PALLD: variants seen among roughly 807,000 people sequenced by gnomAD.
PALLD encodes the protein palladin.
In PALLD, 61 loss-of-function variants were observed where a neutral mutation model predicts 123.5. That is an observed-to-expected ratio of 0.49 (90% CI 0.40 to 0.61). PALLD has a LOEUF of 0.61. Ranked by LOEUF, PALLD falls within the 20% of genes least tolerant of loss-of-function variation. PALLD has a pLI of 0.00. For synonymous variants in PALLD, 465 were observed against 496.4 expected, an observed-to-expected ratio of 0.94 and a Z score of 0.84; for missense variants, 1,273 against 1,377.0, an observed-to-expected ratio of 0.92 and a Z score of 1.20.
At chr4:168,741,461 G>A (rs188000646) in intron 10 of PALLD, among the ~76,000 whole-genome samples, 5 of 152,198 alleles carry the variant, frequency 3.3e-5, no homozygotes, top group African/African-American at 1.2e-4. Context: ...AGGATTGCCT[G>A]AGGCCAAGGA....
At chr4:168,699,482 T>C (rs979512638) in intron 8 of PALLD, among the ~76,000 whole-genome samples, 5 of 151,176 alleles carry the variant, frequency 3.3e-5, no homozygotes, top group Admixed American at 2.6e-4. Flanking sequence ...AGCCAAACCA[T>C]GTGGTGTGAA....
chr4:168,905,145 T>TC, intron 15 of PALLD, among the ~76,000 whole-genome samples: 1 of 33,328 alleles, frequency 3.0e-5, no homozygotes, highest in South Asian at 1.7e-3. Context: ...TTGGTTTTTT[T>TC]TTTTTTTTTT....
intron 10 of PALLD, among the ~76,000 whole-genome samples, chr4:168,770,519 C>T (rs1327668112): frequency 6.6e-6 from 1 of 152,192 alleles, no homozygotes; most frequent in Non-Finnish European, 1.5e-5. Flanking sequence ...AGAACCTAAG[C>T]TTGGCTTCTA....
At chr4:168,684,304 G>C (rs1375335576) in intron 5 of PALLD, among the ~76,000 whole-genome samples, 1 of 152,104 alleles carries the variant, frequency 6.6e-6, no homozygotes, top group Non-Finnish European at 1.5e-5. Flanking sequence ...ATTCTACAAA[G>C]ACATGGAATG....
At chr4:168,631,753 G>T in intron 2 of PALLD, 1 of 985,440 alleles carries the variant, frequency 1.0e-6, no homozygotes, top group Non-Finnish European at 1.2e-6. Context: ...TTGGCAGCGC[G>T]GCTGCCAGTT....
chr4:168,772,020 C>A (rs1399221668), intron 10 of PALLD, among the ~76,000 whole-genome samples: 2 of 152,176 alleles, frequency 1.3e-5, no homozygotes, highest in African/African-American at 4.8e-5. Context: ...CAGGTATACT[C>A]TATCCATTTA....
chr4:168,651,294 C>T (rs1778016732), intron 2 of PALLD, among the ~76,000 whole-genome samples: 1 of 152,160 alleles, frequency 6.6e-6, no homozygotes, highest in African/African-American at 2.4e-5. Context: ...TTTAACATTG[C>T]AGTAAATGGC....
intron 1 of PALLD, among the ~76,000 whole-genome samples, chr4:168,500,670 C>A (rs1357915497): frequency 6.6e-6 from 1 of 152,150 alleles, no homozygotes; most frequent in Non-Finnish European, 1.5e-5. Context: ...GCCACCATGC[C>A]CAGCCCCCTA....
chr4:168,702,026 C>T (rs969655030), intron 8 of PALLD, among the ~76,000 whole-genome samples: 1 of 152,192 alleles, frequency 6.6e-6, no homozygotes, highest in African/African-American at 2.4e-5. Flanking sequence ...TTGCCCTCCC[C>T]TTGTGCAGAT....
chr4:168,700,042 G>A, intron 8 of PALLD: 1 of 326,698 alleles, frequency 3.1e-6, no homozygotes. Context: ...CTTTGTTCGA[G>A]TGAGATGCCA....
At chr4:168,507,725 C>T in intron 1 of PALLD, 1 of 182,676 alleles carries the variant, frequency 5.5e-6, no homozygotes, top group Non-Finnish European at 1.2e-5. Context: ...TTCTCAAGGA[C>T]TTAACACTCT....
At chr4:168,827,149 TC>T (rs1441036267) in intron 10 of PALLD, among the ~76,000 whole-genome samples, 1 of 152,230 alleles carries the variant, frequency 6.6e-6, no homozygotes, top group East Asian at 1.9e-4. Flanking sequence ...ATTTCTTTTT[TC>T]CCGATCCATT....
intron 2 of PALLD, among the ~76,000 whole-genome samples, chr4:168,629,081 A>G (rs1775573310): frequency 6.7e-6 from 1 of 149,790 alleles, no homozygotes; most frequent in African/African-American, 2.5e-5. Context: ...TAATGACGCG[A>G]TCTCAGCTCA....
intron 1 of PALLD, among the ~76,000 whole-genome samples, chr4:168,510,422 C>T (rs893980618): frequency 6.6e-6 from 1 of 152,030 alleles, no homozygotes; most frequent in Non-Finnish European, 1.5e-5. Context: ...AAAGCCTTAT[C>T]AAAATTTTAT....
chr4:168,888,705 T>C (rs1377666071), intron 10 of PALLD, among the ~76,000 whole-genome samples: 1 of 152,168 alleles, frequency 6.6e-6, no homozygotes, highest in Non-Finnish European at 1.5e-5. Context: ...GCCAAACTAA[T>C]CACTCTCGAG....
rs554653497 is a variant in PALLD at position 168,736,902 on chromosome 4, G to A, written c.1964+24979G>A. Among the ~76,000 whole-genome samples the A allele has an allele frequency of 7.9e-5, 12 of 152,288 alleles. No individual in the cohort carries two copies. In the South Asian group the frequency reaches 2.5e-3, roughly 32 times the overall value. ...GAGAAACAGTGGGAGGGGGAGGGGA[G>A]TGGTTATTAACGTGAAGTTTAAAAT... On this transcript the variant is annotated intron_variant, in intron 10 of 21. Coordinates refer to ENST00000505667, the MANE Select transcript of PALLD (RefSeq NM_001166108.2).
intron 10 of PALLD, among the ~76,000 whole-genome samples, chr4:168,739,739 T>A (rs753187553): frequency 3.9e-5 from 6 of 152,206 alleles, no homozygotes; most frequent in Non-Finnish European, 8.8e-5. Flanking sequence ...AAAGCCCATG[T>A]TGTTGATAAT....
intron 6 of PALLD, 135 bp from the exon 7 acceptor site, chr4:168,690,468 T>C (rs1279550607): frequency 9.3e-7 from 1 of 1,074,196 alleles, no homozygotes; most frequent in African/African-American, 1.6e-5. Context: ...TGCTAATTAT[T>C]TGATGATGCA....
At chr4:168,525,075 T>C (rs529704200) in intron 2 of PALLD, among the ~76,000 whole-genome samples, 1 of 152,290 alleles carries the variant, frequency 6.6e-6, no homozygotes, top group East Asian at 1.9e-4. Context: ...AGCATTCTAA[T>C]TAAGAATGTG....
Sources: gnomAD v4.1 joint callset for allele counts (sites outside exome capture counted in the v4.1 genomes callset) on GRCh38, gnomAD v4.1.1 for gene constraint, MANE v1.5 for transcripts, NCBI Gene and HGNC (gene_info 2026-07-23, HGNC 2026-07-21) for gene names.